The following PITPNM3 variants were observed in gnomAD, a reference collection of about 807,000 sequenced individuals.
The protein encoded by PITPNM3 is PITPNM family member 3, also known as membrane-associated phosphatidylinositol transfer protein 3.
PITPNM3 carries 26 observed loss-of-function variants against 102.0 expected under a neutral mutation model. That is an observed-to-expected ratio of 0.25 (90% confidence interval 0.19 to 0.35). The LOEUF (loss-of-function observed/expected upper bound fraction) is 0.35, where lower values mean the gene tolerates loss of function less well. PITPNM3 is among the 10% of genes least tolerant of loss of function. PITPNM3 has a pLI of 1.00. For synonymous variants in PITPNM3, 578 were observed against 558.6 expected (o/e 1.03, Z -0.49); for missense variants, 1,083 against 1,346.1 (o/e 0.80, Z 3.06).
Position 6,455,442 on chromosome 17 carries a change from G to C in PITPNM3, c.2821C>G (p.Pro941Ala). ...QPDPPAANPKPERAQSQPESD... is the reference protein window; with the variant it reads ...QPDPPAANPKAERAQSQPESD... ...TCGGGCTGGCTCTGGGCCCGCTCGG[G>C]CTTGGGGTTGGCGGCGGGCGGGTCG... The change falls in exon 20 of 20, where the codon CCC becomes GCC. Residue 941 changes from proline to alanine, a missense_variant. Pro to Ala is a conservative substitution (Grantham distance 27, BLOSUM62 -1). This residue lies in a region of PITPNM3 where 208 missense variants were observed against 178.2 expected (regional missense o/e 1.17). Transcript: ENST00000262483. The C allele has an allele frequency of 6.2e-7, 1 of 1,604,494 alleles. No individual in the cohort carries two copies. The highest frequency in any genetic ancestry group is 8.5e-7 in the Non-Finnish European group (1 of 1,179,128).
At chr17:6,551,869 G>A (rs1048987877) in intron 1 of PITPNM3, among the ~76,000 whole-genome samples, 2 of 152,022 alleles carry the variant, frequency 1.3e-5, no homozygotes, top group African/African-American at 4.8e-5. Flanking sequence ...GCTTTGGGAG[G>A]ATGTGAGAGC....
intron 1 of PITPNM3, among the ~76,000 whole-genome samples, chr17:6,538,391 G>A (rs1364613642): frequency 1.3e-5 from 2 of 151,924 alleles, no homozygotes; most frequent in Non-Finnish European, 2.9e-5. Context: ...TCAGCACAGG[G>A]GAAGCTCTGC....
chr17:6,508,126 T>A lies in PITPNM3; in HGVS notation c.227-4552A>T, dbSNP rs1597391947. Among the ~76,000 whole-genome samples, 5 of 152,116 alleles carry A rather than the reference T, an allele frequency of 3.3e-5. No individual in the cohort carries two copies. In the South Asian group the frequency reaches 1.0e-3, roughly 32 times the overall value. ...GCCGGAAGAAGCTCGGGGACCCAGGTGCCAAGAGGCCAGGAGGTGAGTGTC... is the reference window on the plus strand; with the variant it reads ...GCCGGAAGAAGCTCGGGGACCCAGGAGCCAAGAGGCCAGGAGGTGAGTGTC... On this transcript the variant is annotated intron_variant, in intron 3 of 19. Transcript: ENST00000262483.
rs932630072 is a variant in PITPNM3 at position 6,517,321 on chromosome 17, C to G, written c.226+8035G>C. Among the ~76,000 whole-genome samples, 9 of 152,168 alleles carry G rather than the reference C, an allele frequency of 5.9e-5. No homozygotes were observed. The highest frequency in any genetic ancestry group is 1.3e-4 in the Non-Finnish European group (9 of 68,034). On this transcript the variant is annotated intron_variant, in intron 3 of 19. Transcript: ENST00000262483. This position sits in a 1 kb window ranked among gnomAD's most constrained non-coding sequence, Gnocchi z 4.1. Reference sequence around the variant, plus strand: ...GAGGGGGAGGTGGCGGAGGAGTTGTCACTGCCAAAGCCACCATGATGAGAA... The same window carrying G: ...GAGGGGGAGGTGGCGGAGGAGTTGTGACTGCCAAAGCCACCATGATGAGAA...
Position 6,537,997 on chromosome 17 carries a change from A to C in PITPNM3, c.108T>G (p.Phe36Leu). 1 of 1,613,356 alleles carries C rather than the reference A, an allele frequency of 6.2e-7. No homozygotes were observed. Among genetic ancestry groups the C allele is most frequent in the Non-Finnish European group, 8.5e-7 (1 of 1,179,338 alleles). The change falls in exon 2 of 20, where the codon TTT becomes TTG. Residue 36 changes from phenylalanine to leucine, a missense_variant. By Grantham distance (22) the Phe-to-Leu change is conservative (BLOSUM62 0). Around this residue, in one of 5 missense-constraint regions of PITPNM3, gnomAD observed 290 missense variants for 337.8 expected, o/e 0.86. Coordinates refer to ENST00000262483, the MANE Select transcript of PITPNM3 (RefSeq NM_031220.4). This position sits in a 1 kb window ranked among gnomAD's most constrained non-coding sequence, Gnocchi z 4.4. ...CTGGGGTTCACTCACCTCTGGCATC[A>C]AAGAATTCATCATCTGAGCTCTCCA... ...DSVESSDDEF[F>L]DAREEMAEGK...
In PITPNM3 at chr17:6,523,149, C is replaced by A. The variant is rs570574595; in HGVS notation, c.226+2207G>T. On this transcript the variant is annotated intron_variant, in intron 3 of 19. Transcript: ENST00000262483. ...GTACCAACCCTCGGACTCAGGTAAG[C>A]ACTGCCCTTCATTCATGAGCATCAG... 2.0e-5 allele frequency among the ~76,000 whole-genome samples: 3 copies of A among 152,298 alleles called. No individual in the cohort carries two copies. The East Asian group carries it at 5.8e-4, about 29-fold the overall frequency.
At chr17:6,528,522 CAT>C (rs986355484) in intron 2 of PITPNM3, among the ~76,000 whole-genome samples, 1 of 142,220 alleles carries the variant, frequency 7.0e-6, no homozygotes, top group Non-Finnish European at 1.6e-5. Flanking sequence ...GCATTGTGTG[CAT>C]GTGTGTACAT....
chr17:6,496,777 C>T (rs147896757), intron 4 of PITPNM3, among the ~76,000 whole-genome samples: 5 of 152,184 alleles, frequency 3.3e-5, no homozygotes, highest in African/African-American at 9.6e-5. Context: ...TCCCATTTTG[C>T]ACCCCTATAA....
Position 6,478,755 on chromosome 17 carries a change from A to G in PITPNM3, c.588-19T>C. 6.5e-7 allele frequency: 1 copy of G among 1,548,042 alleles called. No individual in the cohort carries two copies. The highest frequency in any genetic ancestry group is 2.0e-5 in the Admixed American group (1 of 51,204). ...GTTCAGGCTGCAGACAGGGGGCCCAAGGTGAGCCCAGCCAGGATCGGGCAG... is the reference window on the plus strand; with the variant it reads ...GTTCAGGCTGCAGACAGGGGGCCCAGGGTGAGCCCAGCCAGGATCGGGCAG... On this transcript the variant is annotated intron_variant, in intron 6 of 19. Coordinates refer to ENST00000262483, the MANE Select transcript of PITPNM3 (RefSeq NM_031220.4). The surrounding 1 kb of genome is among the most constrained non-coding windows in gnomAD (Gnocchi z 4.4).
At chr17:6,541,550 G>A (rs914718519) in intron 1 of PITPNM3, among the ~76,000 whole-genome samples, 3 of 152,086 alleles carry the variant, frequency 2.0e-5, no homozygotes, top group African/African-American at 4.8e-5. Flanking sequence ...CTTGGAACAG[G>A]TGAGTTTTAA....
Position 6,469,823 on chromosome 17 carries a change from G to A in PITPNM3, c.1773+437C>T, listed in dbSNP as rs759964118. ...ATATAAAACCATACCCCTGACCTTG[G>A]CCATCACGGCTGTTCATGAACATCA... On this transcript the variant is annotated intron_variant, in intron 13 of 19. Coordinates refer to ENST00000262483, the MANE Select transcript of PITPNM3 (RefSeq NM_031220.4). This position sits in a 1 kb window ranked among gnomAD's most constrained non-coding sequence, Gnocchi z 4.0. Among the ~76,000 whole-genome samples, 1 of 152,096 alleles carries A rather than the reference G, an allele frequency of 6.6e-6. No homozygotes were observed. The highest frequency in any genetic ancestry group is 1.5e-5 in the Non-Finnish European group (1 of 68,010).
At chr17:6,550,055 A>G (rs945284843) in intron 1 of PITPNM3, among the ~76,000 whole-genome samples, 4 of 152,204 alleles carry the variant, frequency 2.6e-5, no homozygotes, top group African/African-American at 4.8e-5. Flanking sequence ...TTGGAGCTGG[A>G]AAGAGCCTGA....
rs1216757366 is a variant in PITPNM3 at position 6,471,356 on chromosome 17, C to T, written c.1430-1G>A. The stretch of plus-strand genomic sequence containing the variant: ...GGGCTGTGGGTGTGTAGGGCATCAG[C>T]TGGAGGGGGAATTTCAAGGTCAGGC... On this transcript the variant is annotated splice_acceptor_variant, in intron 11 of 19. Transcript: ENST00000262483. LOFTEE classifies it high-confidence loss of function. 2 of 1,583,776 alleles carry T rather than the reference C, an allele frequency of 1.3e-6. No individual in the cohort carries two copies. Among genetic ancestry groups the T allele is most frequent in the Admixed American group, 3.4e-5 (2 of 58,302 alleles).
In PITPNM3 at chr17:6,458,616, C is replaced by T. The variant is rs867872; in HGVS notation, c.2491-894G>A. On this transcript the variant is annotated intron_variant, in intron 18 of 19. Transcript: ENST00000262483. The surrounding 1 kb of genome is among the most constrained non-coding windows in gnomAD (Gnocchi z 5.1). ...TCCGCTCCGCTCAGGGCTTCTGCCCCCTCCCCACCACTTCTCCGCCAGCCC... is the reference window on the plus strand; with the variant it reads ...TCCGCTCCGCTCAGGGCTTCTGCCCTCTCCCCACCACTTCTCCGCCAGCCC... 6.6e-6 allele frequency among the ~76,000 whole-genome samples: 1 copy of T among 151,952 alleles called. No individual in the cohort carries two copies. Among genetic ancestry groups the T allele is most frequent in the Admixed American group, 6.5e-5 (1 of 15,270 alleles).
At position 6,468,216 on chromosome 17, in the gene PITPNM3, T is replaced by C. The variant is rs764114892; in HGVS notation, c.1890+9A>G. On this transcript the variant is annotated intron_variant, in intron 14 of 19. Coordinates refer to ENST00000262483, the MANE Select transcript of PITPNM3 (RefSeq NM_031220.4). The surrounding 1 kb of genome is among the most constrained non-coding windows in gnomAD (Gnocchi z 5.2). ...GTCCCAGCCACATGCGAACTGAGCATGCACGCACCCTCAGCTTGACCTGAG... is the reference window on the plus strand; with the variant it reads ...GTCCCAGCCACATGCGAACTGAGCACGCACGCACCCTCAGCTTGACCTGAG... The C allele has an allele frequency of 6.2e-7, 1 of 1,612,058 alleles. No individual in the cohort carries two copies. Among genetic ancestry groups the C allele is most frequent in the Non-Finnish European group, 8.5e-7 (1 of 1,179,300 alleles).
intron 2 of PITPNM3, among the ~76,000 whole-genome samples, chr17:6,529,447 A>G (rs1675568835): frequency 6.6e-6 from 1 of 152,040 alleles, no homozygotes; most frequent in Non-Finnish European, 1.5e-5. Context: ...ACAAAAAATT[A>G]GCTGGGCGTG....
chr17:6,481,984 A>G (rs1468445523), intron 6 of PITPNM3, among the ~76,000 whole-genome samples: 1 of 42,982 alleles, frequency 2.3e-5, no homozygotes, highest in Non-Finnish European at 4.1e-5. Context: ...GGAAAACAGA[A>G]CCTCTCTCTC....
chr17:6,515,371 C>T (rs570478654), intron 3 of PITPNM3, among the ~76,000 whole-genome samples: 9 of 146,644 alleles, frequency 6.1e-5, no homozygotes, highest in African/African-American at 2.0e-4. Context: ...GCACTCCAGC[C>T]CGGGCAACAG....
intron 9 of PITPNM3, among the ~76,000 whole-genome samples, chr17:6,475,973 C>T (rs1905282129): frequency 6.6e-6 from 1 of 152,136 alleles, no homozygotes; most frequent in Admixed American, 6.5e-5. Flanking sequence ...CTAATATATA[C>T]ATTAACGTTT....
Sources: allele counts gnomAD v4.1 joint callset (sites outside exome capture counted in the v4.1 genomes callset), GRCh38; gene constraint gnomAD v4.1.1; regional missense constraint gnomAD v4.1.1; non-coding constraint Gnocchi (gnomAD v3.1); transcripts MANE v1.5; gene names NCBI Gene and HGNC (gene_info 2026-07-23, HGNC 2026-07-21).